Variants in KATNAL2 observed in about 807,000 individuals in gnomAD.
KATNAL2 encodes the protein katanin catalytic subunit A1 like 2.
KATNAL2 carries 52 observed loss-of-function variants against 76.3 expected under a neutral mutation model. That is an observed-to-expected ratio of 0.68 (90% CI 0.55 to 0.86). The LOEUF is 0.86. Ranked by LOEUF, KATNAL2 falls within the 40% of genes least tolerant of loss-of-function variation. The probability of loss-of-function intolerance (pLI) is 0.00; values close to 1 mark genes in which losing one functional copy is unlikely to be tolerated. For synonymous variants in KATNAL2, 243 were observed against 244.2 expected, an observed-to-expected ratio of 1.00 and a Z score of 0.05; for missense variants, 660 against 668.9, an observed-to-expected ratio of 0.99 and a Z score of 0.15.
chr18:47,081,261 C>T (rs181034431), intron 15 of KATNAL2, among the ~76,000 whole-genome samples: 12 of 152,244 alleles, frequency 7.9e-5, no homozygotes, highest in Admixed American at 5.9e-4. Context: ...TATTCAACAG[C>T]GGCACTGTCT....
chr18:46,953,681 C>T (rs1032624279), intron 3 of KATNAL2, among the ~76,000 whole-genome samples: 8 of 151,880 alleles, frequency 5.3e-5, no homozygotes, highest in African/African-American at 1.2e-4. Context: ...CACTTGGGAC[C>T]GGCAGGTTGA....
intron 3 of KATNAL2, among the ~76,000 whole-genome samples, chr18:47,032,027 C>T (rs1233509531): frequency 1.3e-5 from 2 of 152,172 alleles, no homozygotes; most frequent in African/African-American, 2.4e-5. Flanking sequence ...AGGTAGTTAA[C>T]CCGGTCCTTT....
At chr18:46,925,999 C>T (rs1432911685) in intron 1 of KATNAL2, among the ~76,000 whole-genome samples, 14 of 151,988 alleles carry the variant, frequency 9.2e-5, no homozygotes, top group East Asian at 3.9e-4. Flanking sequence ...GTCTTCCTAG[C>T]GGTCTATCAA....
intron 3 of KATNAL2, chr18:47,035,691 A>C (rs745939146): frequency 7.2e-6 from 2 of 278,586 alleles, no homozygotes; most frequent in Non-Finnish European, 1.4e-5. Context: ...GGGACGGTCC[A>C]CGCCAGGTGG....
chr18:46,961,123 C>A (rs2059928750), intron 3 of KATNAL2, among the ~76,000 whole-genome samples: 1 of 152,242 alleles, frequency 6.6e-6, no homozygotes, highest in Admixed American at 6.5e-5. Flanking sequence ...ACAGATAACA[C>A]AAGTAGTTTA....
intron 3 of KATNAL2, among the ~76,000 whole-genome samples, chr18:46,962,108 T>A (rs913478771): frequency 2.0e-5 from 3 of 150,656 alleles, no homozygotes; most frequent in African/African-American, 7.5e-5. Context: ...GCAAATAGGA[T>A]TTTGGCTCAG....
intron 3 of KATNAL2, among the ~76,000 whole-genome samples, chr18:46,948,434 T>TC (rs1226804048): frequency 6.6e-6 from 1 of 150,448 alleles, no homozygotes; most frequent in Non-Finnish European, 1.5e-5. Flanking sequence ...TTCTTTTTTT[T>TC]TTTTTTTGAG....
At chr18:46,917,965 C>T (rs978540018) in intron 1 of KATNAL2, 39 bp downstream of exon 1, 1 of 152,178 alleles carries the variant, frequency 6.6e-6, no homozygotes, top group Admixed American at 6.6e-5. Flanking sequence ...GGTTGTGTGA[C>T]ACCTCTTTGA....
At chr18:47,092,288 C>T (rs965237641) in intron 15 of KATNAL2, among the ~76,000 whole-genome samples, 1 of 152,090 alleles carries the variant, frequency 6.6e-6, no homozygotes, top group Non-Finnish European at 1.5e-5. Flanking sequence ...CACTTGAGGT[C>T]AGGAGTTTGA....
At chr18:46,965,581 G>GCCACCC (rs2060096610) in intron 3 of KATNAL2, among the ~76,000 whole-genome samples, 1 of 73,872 alleles carries the variant, frequency 1.4e-5, no homozygotes, top group Admixed American at 1.2e-4. Context: ...TAGCATCCCC[G>GCCACCC]CCCCCCCCCC....
At chr18:46,960,444 A>T (rs7243015) in intron 3 of KATNAL2, among the ~76,000 whole-genome samples, 3 of 149,132 alleles carry the variant, frequency 2.0e-5, no homozygotes, top group African/African-American at 4.9e-5. Flanking sequence ...AAAAAAAATG[A>T]ACAGCAGTTT....
intron 7 of KATNAL2, among the ~76,000 whole-genome samples, chr18:47,059,165 A>C (rs1223988946): frequency 6.6e-6 from 1 of 152,240 alleles, no homozygotes; most frequent in African/African-American, 2.4e-5. Flanking sequence ...AAGGTGGGGC[A>C]GGATGAGTCC....
At chr18:47,093,501 T>C (rs2063095650) in intron 15 of KATNAL2, among the ~76,000 whole-genome samples, 1 of 151,442 alleles carries the variant, frequency 6.6e-6, no homozygotes, top group South Asian at 2.1e-4. Context: ...TTTGTGTGTG[T>C]GTGTGTGTAT....
chr18:47,054,632 G>T, intron 6 of KATNAL2, 194 bp downstream of exon 6: 1 of 640,746 alleles, frequency 1.6e-6, no homozygotes, highest in African/African-American at 1.8e-5. Context: ...TACTCTCCTG[G>T]TTTTACTGTA....
At chr18:46,931,973 C>T (rs981587069) in intron 1 of KATNAL2, among the ~76,000 whole-genome samples, 6 of 150,188 alleles carry the variant, frequency 4.0e-5, no homozygotes, top group Non-Finnish European at 1.5e-5. Context: ...AGTGCACTGG[C>T]GATCTTGGCT....
chr18:46,965,585 C>T (rs2060098519), intron 3 of KATNAL2, among the ~76,000 whole-genome samples: 1 of 91,080 alleles, frequency 1.1e-5, no homozygotes. Context: ...ATCCCCGCCC[C>T]CCCCCCCCCG....
chr18:47,058,972 CT>C lies in KATNAL2; in HGVS notation c.451-583del, dbSNP rs1385629921. On this transcript the variant is annotated intron_variant, in intron 7 of 17. Transcript: ENST00000683218. ...ATGTCCAGAACCTTCTTAGTTAGGA[CT>C]AAACATCCCAGGTTTCAAAGGAAAG... 5.3e-5 allele frequency among the ~76,000 whole-genome samples: 8 copies of C among 152,092 alleles called. No individual in the cohort carries two copies. The South Asian group carries it at 1.7e-3, about 32-fold the overall frequency.
At chr18:47,067,374 T>C (rs1057379889) in intron 11 of KATNAL2, among the ~76,000 whole-genome samples, 3 of 152,208 alleles carry the variant, frequency 2.0e-5, no homozygotes, top group African/African-American at 7.2e-5. Context: ...GACCATAGTA[T>C]ACATGATTTG....
chr18:47,033,121 C>G lies in KATNAL2; in HGVS notation c.52-13336C>G, dbSNP rs748280838. 3.1e-6 allele frequency: 5 copies of G among 1,614,138 alleles called. No individual in the cohort carries two copies. The East Asian group carries it at 8.9e-5, about 29-fold the overall frequency. On this transcript the variant is annotated intron_variant, in intron 3 of 17. Transcript: ENST00000683218. ...GGGCGCCGCGTGCTCATTGCTGCTG[C>G]TCAGGCAGGGGTTGGCCCGCTTCTC... is the stretch of plus-strand genomic sequence containing the variant.
Sources: gnomAD v4.1 joint callset for allele counts (sites outside exome capture counted in the v4.1 genomes callset) on GRCh38, gnomAD v4.1.1 for gene constraint, MANE v1.5 for transcripts, NCBI Gene and HGNC (gene_info 2026-07-23, HGNC 2026-07-21) for gene names.